PACRG: variants seen among roughly 807,000 people sequenced by gnomAD.
PACRG encodes the protein parkin coregulated gene protein.
In PACRG, 29 loss-of-function variants were observed where a neutral mutation model predicts 29.7. That is an observed-to-expected ratio of 0.98 (90% confidence interval 0.73 to 1.33). The LOEUF is 1.33. PACRG is among the 40% of genes most tolerant of loss of function. PACRG has a pLI of 0.00. For synonymous variants in PACRG, 116 were observed against 118.7 expected, an observed-to-expected ratio of 0.98 and a Z score of 0.15; for missense variants, 279 against 316.2, an observed-to-expected ratio of 0.88 and a Z score of 0.89.
intron 4 of PACRG, among the ~76,000 whole-genome samples, chr6:163,302,502 G>T (rs1785043825): frequency 6.6e-6 from 1 of 152,162 alleles, no homozygotes; most frequent in South Asian, 2.1e-4. Context: ...AGGCGTGATG[G>T]ATTTAACTCC....
intron 2 of PACRG, among the ~76,000 whole-genome samples, chr6:162,994,663 C>A (rs1316202610): frequency 7.2e-6 from 1 of 138,796 alleles, no homozygotes; most frequent in Non-Finnish European, 1.5e-5. Flanking sequence ...TCAAAGTTTT[C>A]AACTTCTTTG....
At chr6:163,208,050 C>CTCTCTTCACAGTTG (rs1177299999) in intron 4 of PACRG, among the ~76,000 whole-genome samples, 1 of 152,224 alleles carries the variant, frequency 6.6e-6, no homozygotes, top group Non-Finnish European at 1.5e-5. Context: ...ATGCTTCCTT[C>CTCTCTTCACAGTTG]TCTCTTCACA....
intron 2 of PACRG, among the ~76,000 whole-genome samples, chr6:162,956,683 C>T (rs1043841663): frequency 2.6e-5 from 4 of 152,178 alleles, no homozygotes; most frequent in African/African-American, 9.6e-5. Flanking sequence ...GCATGGCCTT[C>T]TCCCTGTGTC....
At chr6:163,128,384 G>A (rs765594722) in intron 4 of PACRG, among the ~76,000 whole-genome samples, 1 of 152,202 alleles carries the variant, frequency 6.6e-6, no homozygotes, top group Non-Finnish European at 1.5e-5. Context: ...AACCAGGGCC[G>A]CTGCTGCAGT....
chr6:163,045,952 C>G (rs1441547383), intron 2 of PACRG, among the ~76,000 whole-genome samples: 1 of 152,066 alleles, frequency 6.6e-6, no homozygotes, highest in Non-Finnish European at 1.5e-5. Flanking sequence ...CACTCCTATA[C>G]GTTGATCTTC....
chr6:162,934,511 T>C (rs149965561), intron 2 of PACRG, among the ~76,000 whole-genome samples: 2 of 152,306 alleles, frequency 1.3e-5, no homozygotes, highest in East Asian at 3.9e-4. Flanking sequence ...CAGCAGGATA[T>C]AGTTGTTTCA....
rs1214445482 is a variant in PACRG at position 162,747,351 on chromosome 6, TATATATATATATACACATAC to T, written c.156+18969_156+18988del. 3.4e-3 allele frequency among the ~76,000 whole-genome samples: 262 copies of T among 76,718 alleles called. 20 individuals are homozygous for T. Among genetic ancestry groups the T allele is most frequent in the African/African-American group, 0.016 (245 of 15,298 alleles). 50.3% of individuals were successfully genotyped at this position (76,718 alleles called of 152,430 possible). A position where few individuals can be genotyped will look rare whatever the true frequency, so the allele number is the denominator to read the frequency against. On this transcript the variant is annotated intron_variant, in intron 1 of 4. Transcript: ENST00000366888. ...ATATATATATATATATATATATATA[TATATATATATATACACATAC>T]ATATATATGTATATATATGTATATA...
At chr6:163,207,475 C>T (rs1780954038) in intron 4 of PACRG, among the ~76,000 whole-genome samples, 1 of 152,166 alleles carries the variant, frequency 6.6e-6, no homozygotes, top group South Asian at 2.1e-4. Context: ...CCTTGGCTCA[C>T]ATTTGTGCTC....
chr6:162,795,049 G>A (rs987681958), intron 1 of PACRG, among the ~76,000 whole-genome samples: 18 of 152,046 alleles, frequency 1.2e-4, no homozygotes, highest in Non-Finnish European at 1.2e-4. Flanking sequence ...CATTAAGAAA[G>A]GGAGACCGAG....
intron 2 of PACRG, among the ~76,000 whole-genome samples, chr6:162,814,541 A>G (rs1043560536): frequency 6.6e-6 from 1 of 152,114 alleles, no homozygotes; most frequent in Non-Finnish European, 1.5e-5. Flanking sequence ...CTCTATTTTT[A>G]TGAGAACCTG....
chr6:162,876,394 CTCTT>C (rs1276909833), intron 2 of PACRG, among the ~76,000 whole-genome samples: 2 of 152,168 alleles, frequency 1.3e-5, no homozygotes, highest in Admixed American at 6.6e-5. Flanking sequence ...GATCTTTTCT[CTCTT>C]TATTGTTTAC....
At chr6:163,297,604 A>G (rs1784824889) in intron 4 of PACRG, among the ~76,000 whole-genome samples, 1 of 152,186 alleles carries the variant, frequency 6.6e-6, no homozygotes, top group Non-Finnish European at 1.5e-5. Flanking sequence ...AAAAATGTAG[A>G]AATGCCAACA....
At position 162,889,952 on chromosome 6, in the gene PACRG, T is replaced by A. The variant is rs548630366; in HGVS notation, c.291+75671T>A. On this transcript the variant is annotated intron_variant, in intron 2 of 4. Coordinates refer to ENST00000366888, the MANE Select transcript of PACRG (RefSeq NM_001080379.2). ...GAGCTGAATGAGTCAACAGACATTG[T>A]AATGGTGATGTGTAACTCATAACCT... Among the ~76,000 whole-genome samples, 110 of 152,378 alleles carry A rather than the reference T, an allele frequency of 7.2e-4. 1 individual carries two copies. The highest frequency in any genetic ancestry group is 2.2e-3 in the Admixed American group (34 of 15,304).
chr6:162,811,895 C>T (rs1786903673), intron 1 of PACRG, among the ~76,000 whole-genome samples: 1 of 152,102 alleles, frequency 6.6e-6, no homozygotes, highest in Non-Finnish European at 1.5e-5. Flanking sequence ...CATGTCAGCG[C>T]TCAAAAAGTT....
intron 1 of PACRG, among the ~76,000 whole-genome samples, chr6:162,749,363 A>G (rs1393979980): frequency 6.6e-6 from 1 of 152,218 alleles, no homozygotes; most frequent in South Asian, 2.1e-4. Flanking sequence ...CGGCTGGCAC[A>G]TGAAGTTATT....
chr6:163,300,155 T>C (rs1784934126), intron 4 of PACRG, among the ~76,000 whole-genome samples: 1 of 152,218 alleles, frequency 6.6e-6, no homozygotes, highest in African/African-American at 2.4e-5. Context: ...GAGGTTTACA[T>C]TGTCCAGACC....
chr6:163,065,706 G>A (rs928585732), intron 3 of PACRG, among the ~76,000 whole-genome samples: 37 of 152,176 alleles, frequency 2.4e-4, no homozygotes, highest in African/African-American at 8.4e-4. Context: ...TCAGGAAGAC[G>A]TGGCCTCTGA....
intron 2 of PACRG, among the ~76,000 whole-genome samples, chr6:162,987,880 C>T (rs1356603268): frequency 2.0e-5 from 3 of 152,166 alleles, no homozygotes; most frequent in African/African-American, 7.2e-5. Context: ...AGACCCAGGA[C>T]CTCTGGTTAT....
intron 4 of PACRG, among the ~76,000 whole-genome samples, chr6:163,218,409 C>T (rs1010934190): frequency 6.6e-6 from 1 of 152,130 alleles, no homozygotes. Flanking sequence ...CCCCCACATC[C>T]CCTTATGGGT....
Sources: allele counts gnomAD v4.1 joint callset (sites outside exome capture counted in the v4.1 genomes callset), GRCh38; gene constraint gnomAD v4.1.1; transcripts MANE v1.5; gene names NCBI Gene and HGNC (gene_info 2026-07-23, HGNC 2026-07-21).